MNAT1: variants seen among roughly 807,000 people sequenced by gnomAD.
MNAT1 encodes MNAT1 component of CDK activating kinase, also known as CDK-activating kinase assembly factor MAT1.
In MNAT1, 43 loss-of-function variants were observed where a neutral mutation model predicts 42.0. The ratio of observed to expected loss-of-function variants is 1.02; its 90% CI spans 0.80 to 1.32. The LOEUF (loss-of-function observed/expected upper bound fraction) is 1.32. Ranked by LOEUF, MNAT1 falls within the 40% of genes most tolerant of loss-of-function variation. The pLI is 0.00. For missense variants in MNAT1, 306 were observed against 350.4 expected (o/e 0.87, Z 1.01); for synonymous variants, 118 against 120.0 (o/e 0.98, Z 0.11).
At chr14:60,917,089 T>G (rs1330017479) in intron 7 of MNAT1, among the ~76,000 whole-genome samples, 1 of 152,190 alleles carries the variant, frequency 6.6e-6, no homozygotes, top group African/African-American at 2.4e-5. Context: ...TAAGAAAAGT[T>G]TGAGAAATGC....
At position 60,860,354 on chromosome 14, in the gene MNAT1, C is replaced by CTTT. The variant is rs11409940; in HGVS notation, c.688-19346_688-19344dup. ...ACTGAGACTTTTTTCTTTTTCTTTTCTTTTTTTTTTTTTTTTGAGACAGAG... is the reference window on the plus strand; with the variant it reads ...ACTGAGACTTTTTTCTTTTTCTTTTCTTTTTTTTTTTTTTTTTTTGAGACAGAG... On this transcript the variant is annotated intron_variant, in intron 6 of 7. Coordinates refer to ENST00000261245, the MANE Select transcript of MNAT1 (RefSeq NM_002431.4). 1.9e-3 allele frequency among the ~76,000 whole-genome samples: 246 copies of CTTT among 128,652 alleles called. 9 individuals carry two copies. Among genetic ancestry groups the CTTT allele is most frequent in the African/African-American group, 5.9e-3 (200 of 34,186 alleles). The allele number at this position is 128,652 out of a possible 152,430, so 84.4% of individuals were successfully genotyped here.
chr14:60,867,250 A>G (rs1326128384), intron 6 of MNAT1, among the ~76,000 whole-genome samples: 1 of 152,148 alleles, frequency 6.6e-6, no homozygotes, highest in Non-Finnish European at 1.5e-5. Flanking sequence ...CTGAAGAGCT[A>G]GAAAAATATG....
chr14:60,735,334 A>G (rs775332651), intron 1 of MNAT1, among the ~76,000 whole-genome samples: 35 of 152,198 alleles, frequency 2.3e-4, no homozygotes, highest in Non-Finnish European at 3.4e-4. Flanking sequence ...CGAAAGTGCT[A>G]TGAAAACTTA....
intron 7 of MNAT1, among the ~76,000 whole-genome samples, chr14:60,884,890 A>AT (rs1197902876): frequency 6.6e-6 from 1 of 152,016 alleles, no homozygotes; most frequent in Non-Finnish European, 1.5e-5. Context: ...TCTGGTGTTG[A>AT]TAAAAACCTT....
At chr14:60,808,920 T>G (rs1196886355) in intron 4 of MNAT1, 1 of 152,168 alleles carries the variant, frequency 6.6e-6, no homozygotes, top group Non-Finnish European at 1.5e-5. Context: ...AAGGTTAACT[T>G]TGGTTTCTCA....
chr14:60,938,875 G>A (rs1346845339), intron 7 of MNAT1, among the ~76,000 whole-genome samples: 1 of 152,060 alleles, frequency 6.6e-6, no homozygotes, highest in Non-Finnish European at 1.5e-5. Context: ...ACTTCTTTTT[G>A]TTGGTAAGCT....
intron 6 of MNAT1, among the ~76,000 whole-genome samples, chr14:60,820,173 G>A (rs946312943): frequency 7.2e-5 from 11 of 152,064 alleles, no homozygotes; most frequent in Admixed American, 7.2e-4. Flanking sequence ...AGTAAACTCA[G>A]TAATTTTCAA....
At chr14:60,965,766 C>G (rs1325394157) in intron 7 of MNAT1, among the ~76,000 whole-genome samples, 1 of 152,094 alleles carries the variant, frequency 6.6e-6, no homozygotes, top group Non-Finnish European at 1.5e-5. Flanking sequence ...CTATGCTTTT[C>G]TTTTGAGGAT....
chr14:60,750,549 T>G (rs2030040508), intron 1 of MNAT1, among the ~76,000 whole-genome samples: 1 of 150,976 alleles, frequency 6.6e-6, no homozygotes, highest in Non-Finnish European at 1.5e-5. Context: ...TTTTTTTTTT[T>G]TTTGAAACAA....
At chr14:60,815,467 G>A (rs2032683155) in intron 5 of MNAT1, among the ~76,000 whole-genome samples, 1 of 152,066 alleles carries the variant, frequency 6.6e-6, no homozygotes, top group African/African-American at 2.4e-5. Context: ...CACCCGCCTT[G>A]GCCTCCCAAA....
intron 7 of MNAT1, among the ~76,000 whole-genome samples, chr14:60,935,231 T>A (rs1315514095): frequency 6.6e-6 from 1 of 152,078 alleles, no homozygotes; most frequent in Non-Finnish European, 1.5e-5. Context: ...GGGCCATATT[T>A]CAGGCAATTG....
intron 4 of MNAT1, among the ~76,000 whole-genome samples, chr14:60,809,302 G>T (rs1405342906): frequency 6.6e-6 from 1 of 152,070 alleles, no homozygotes; most frequent in Non-Finnish European, 1.5e-5. Context: ...CCTCCTTGTA[G>T]TCTTATAGTG....
intron 7 of MNAT1, among the ~76,000 whole-genome samples, chr14:60,886,632 T>C (rs1350305997): frequency 6.6e-6 from 1 of 152,064 alleles, no homozygotes; most frequent in Non-Finnish European, 1.5e-5. Flanking sequence ...CTGTTTTGAT[T>C]ACAAAAAAGC....
rs1896438464 is a variant in MNAT1 at position 60,740,738 on chromosome 14, C to G, written c.89+5787C>G. Among the ~76,000 whole-genome samples the G allele has an allele frequency of 6.6e-6, 1 of 152,136 alleles. No individual in the cohort carries two copies. The highest frequency in any genetic ancestry group is 2.4e-5 in the African/African-American group (1 of 41,432). On this transcript the variant is annotated intron_variant, in intron 1 of 7. Transcript: ENST00000261245. This position sits in a 1 kb window ranked among gnomAD's most constrained non-coding sequence, Gnocchi z 4.1. ...TAAGAGGATATACTCTATAAAATTT[C>G]AGTCTTTTGAAGTTTTCTGAAAGCT...
At chr14:60,772,469 A>G (rs61991703) in intron 1 of MNAT1, among the ~76,000 whole-genome samples, 8,835 of 152,014 alleles carry the variant, frequency 0.058, 358 homozygotes, top group Middle Eastern at 0.12. Flanking sequence ...CCTGTACTCT[A>G]CTACTGTAAT....
At chr14:60,788,206 T>C (rs933024028) in intron 1 of MNAT1, among the ~76,000 whole-genome samples, 1 of 152,136 alleles carries the variant, frequency 6.6e-6, no homozygotes, top group Non-Finnish European at 1.5e-5. Context: ...CTTGCACATA[T>C]CCATCAGAGG....
intron 3 of MNAT1, among the ~76,000 whole-genome samples, chr14:60,806,409 A>G (rs1162330943): frequency 6.6e-6 from 1 of 152,176 alleles, no homozygotes; most frequent in Non-Finnish European, 1.5e-5. Context: ...AGGTATGGAA[A>G]TGGGAAAGTG....
In MNAT1 at chr14:60,789,783, C is replaced by T. The variant is rs74427212; in HGVS notation, c.90-6434C>T. 8.9e-4 allele frequency among the ~76,000 whole-genome samples: 136 copies of T among 152,228 alleles called. 2 individuals are homozygous for T. In the East Asian group the frequency reaches 0.025, roughly 28 times the overall value. On this transcript the variant is annotated intron_variant, in intron 1 of 7. Coordinates refer to ENST00000261245, the MANE Select transcript of MNAT1 (RefSeq NM_002431.4). ...GCAGAAAGAATGGCTACAGAATAGT[C>T]CACATATTTCAGAAAATGTTCTTGG...
At chr14:60,872,373 A>G (rs914822162) in intron 6 of MNAT1, among the ~76,000 whole-genome samples, 3 of 152,156 alleles carry the variant, frequency 2.0e-5, no homozygotes, top group African/African-American at 7.2e-5. Flanking sequence ...TGGAAGGGAC[A>G]TGCATCCATC....
Sources: gnomAD v4.1 joint callset for allele counts (sites outside exome capture counted in the v4.1 genomes callset) on GRCh38, gnomAD v4.1.1 for gene constraint, Gnocchi (gnomAD v3.1) non-coding constraint, MANE v1.5 for transcripts, NCBI Gene and HGNC (gene_info 2026-07-23, HGNC 2026-07-21) for gene names.